The following ZBTB8A variants were observed in gnomAD, a reference collection of about 807,000 sequenced individuals.
The protein encoded by ZBTB8A is zinc finger and BTB domain containing 8A, also known as zinc finger and BTB domain-containing protein 8A.
In ZBTB8A, 19 loss-of-function variants were observed where a neutral mutation model predicts 37.8. The ratio of observed to expected loss-of-function variants is 0.50; its 90% CI spans 0.35 to 0.74. ZBTB8A has a LOEUF of 0.74. ZBTB8A is among the 30% of genes least tolerant of loss of function. The probability of loss-of-function intolerance (pLI) is 0.01; values close to 1 mark genes in which losing one functional copy is unlikely to be tolerated. For missense variants in ZBTB8A, 394 were observed against 537.8 expected (o/e 0.73, Z 2.65); for synonymous variants, 181 against 185.2 (o/e 0.98, Z 0.19).
chr1:32,568,031 A>G (rs947170682), intron 2 of ZBTB8A, among the ~76,000 whole-genome samples: 1 of 151,540 alleles, frequency 6.6e-6, no homozygotes, highest in Non-Finnish European at 1.5e-5. Flanking sequence ...AATCCCAGCT[A>G]TTAGGGAGGC....
Position 32,600,129 on chromosome 1 carries a change from C to T in ZBTB8A, c.1036C>T (p.His346Tyr). 1 of 1,614,120 alleles carries T rather than the reference C, an allele frequency of 6.2e-7. No homozygotes were observed. The highest frequency in any genetic ancestry group is 8.5e-7 in the Non-Finnish European group (1 of 1,179,958). The part of the protein sequence containing the change: ...CKLICRKCKR[H>Y]VTDLTGQVVQ... Reference sequence around the variant, plus strand: ...ACTCATCTGCAGAAAATGTAAACGTCATGTGACAGATCTAACAGGGCAAGT... The same window carrying T: ...ACTCATCTGCAGAAAATGTAAACGTTATGTGACAGATCTAACAGGGCAAGT... Residue 346 changes from histidine to tyrosine, a missense_variant, in exon 5 of 5, where the codon CAT (histidine) becomes TAT (tyrosine). Coordinates refer to ENST00000373510, the MANE Select transcript of ZBTB8A (RefSeq NM_001040441.3).
intron 2 of ZBTB8A, among the ~76,000 whole-genome samples, chr1:32,561,275 T>C (rs1011761499): frequency 6.6e-6 from 1 of 152,032 alleles, no homozygotes; most frequent in Non-Finnish European, 1.5e-5. Flanking sequence ...CTTCTTTTTT[T>C]CTGAGTGAAA....
chr1:32,546,071 T>C (rs1280815803), intron 1 of ZBTB8A, among the ~76,000 whole-genome samples: 1 of 152,218 alleles, frequency 6.6e-6, no homozygotes, highest in African/African-American at 2.4e-5. Context: ...TAGTCTGGTA[T>C]AGAGTAGTTG....
chr1:32,559,069 C>T (rs1037237839), intron 2 of ZBTB8A, among the ~76,000 whole-genome samples: 1 of 152,124 alleles, frequency 6.6e-6, no homozygotes, highest in African/African-American at 2.4e-5. Context: ...GTTATTTATG[C>T]TGCTTCCAAG....
intron 1 of ZBTB8A, among the ~76,000 whole-genome samples, chr1:32,547,188 G>A (rs538250636): frequency 6.9e-4 from 104 of 151,518 alleles, no homozygotes; most frequent in African/African-American, 2.4e-3. Context: ...ATAGATATGA[G>A]CTACCATGCC....
intron 1 of ZBTB8A, among the ~76,000 whole-genome samples, chr1:32,552,042 C>T (rs764154677): frequency 6.6e-6 from 1 of 152,100 alleles, no homozygotes; most frequent in Non-Finnish European, 1.5e-5. Flanking sequence ...ATAGTGTTGT[C>T]TTAAGTTTAT....
chr1:32,596,562 C>T (rs1644533369), intron 4 of ZBTB8A, among the ~76,000 whole-genome samples: 1 of 151,886 alleles, frequency 6.6e-6, no homozygotes, highest in Admixed American at 6.6e-5. Flanking sequence ...GCCTGAATGA[C>T]AGAGTGAGAC....
chr1:32,588,032 C>T (rs572260815), intron 2 of ZBTB8A, among the ~76,000 whole-genome samples: 10 of 152,226 alleles, frequency 6.6e-5, no homozygotes, highest in Admixed American at 2.0e-4. Context: ...TTGGGGAGGG[C>T]GTGGAAGCTC....
chr1:32,586,021 A>C (rs1387910745), intron 2 of ZBTB8A, among the ~76,000 whole-genome samples: 2 of 149,404 alleles, frequency 1.3e-5, no homozygotes, highest in African/African-American at 5.0e-5. Flanking sequence ...AAAACAAAAA[A>C]AAAGAACGAT....
At chr1:32,561,118 T>A (rs1310769060) in intron 2 of ZBTB8A, among the ~76,000 whole-genome samples, 1 of 139,748 alleles carries the variant, frequency 7.2e-6, no homozygotes, top group Non-Finnish European at 1.5e-5. Flanking sequence ...AACTCTTTAA[T>A]GAAGCAAATA....
At chr1:32,596,493 A>T (rs1355261840) in intron 4 of ZBTB8A, among the ~76,000 whole-genome samples, 2 of 152,142 alleles carry the variant, frequency 1.3e-5, no homozygotes, top group Non-Finnish European at 2.9e-5. Flanking sequence ...AGGCACGAGA[A>T]TTGCCCAAAC....
At chr1:32,599,039 C>T (rs1452093062) in intron 4 of ZBTB8A, among the ~76,000 whole-genome samples, 1 of 152,090 alleles carries the variant, frequency 6.6e-6, no homozygotes, top group Non-Finnish European at 1.5e-5. Flanking sequence ...CCAACCCTTC[C>T]AATCCCTGTG....
chr1:32,548,136 T>C (rs1297143881), intron 1 of ZBTB8A, among the ~76,000 whole-genome samples: 3 of 75,774 alleles, frequency 4.0e-5, no homozygotes, highest in Non-Finnish European at 7.9e-5. Context: ...CCGTCTCAAA[T>C]TAAAAAAAAA....
At chr1:32,592,345 G>A (rs886635990) in intron 2 of ZBTB8A, among the ~76,000 whole-genome samples, 3 of 151,964 alleles carry the variant, frequency 2.0e-5, no homozygotes, top group South Asian at 2.1e-4. Flanking sequence ...AGACCAGCTC[G>A]GGTACGTGGT....
chr1:32,589,060 A>T (rs899955370), intron 2 of ZBTB8A, among the ~76,000 whole-genome samples: 1 of 152,162 alleles, frequency 6.6e-6, no homozygotes. Context: ...AGGAGGAGAC[A>T]TGGAGACAGC....
intron 2 of ZBTB8A, among the ~76,000 whole-genome samples, chr1:32,580,416 G>A (rs1644394623): frequency 6.6e-6 from 1 of 151,936 alleles, no homozygotes; most frequent in Admixed American, 6.6e-5. Flanking sequence ...CAGGCATGGT[G>A]GCACATGCCT....
At position 32,601,722 on chromosome 1, in the gene ZBTB8A, AAAG is replaced by A; in HGVS notation, c.*1306_*1308del. 2.5e-6 allele frequency: 1 copy of A among 398,540 alleles called. No individual in the cohort carries two copies. The highest frequency in any genetic ancestry group is 3.6e-5 in the East Asian group (1 of 28,050). The allele number at this position is 398,540 out of a possible 1,614,324, so 24.7% of individuals were successfully genotyped here. A position where few individuals can be genotyped will look rare whatever the true frequency, so the allele number is the denominator to read the frequency against. The stretch of plus-strand genomic sequence containing the variant: ...CTCCCTGTATGTCTCCTGAAATGGC[AAAG>A]AATAGAAGTCAAACCTCACCAGTTG... On this transcript the variant is annotated 3_prime_UTR_variant, in exon 5 of 5. Transcript: ENST00000373510.
Position 32,593,625 on chromosome 1 carries a change from C to G in ZBTB8A, c.694C>G (p.Arg232Gly). The change falls in exon 3 of 5, where the codon CGA (arginine) becomes GGA (glycine). Residue 232 changes from arginine to glycine, a missense_variant. This residue lies in a region of ZBTB8A where 171 missense variants were observed against 186.8 expected (regional missense o/e 0.92). Coordinates refer to ENST00000373510, the MANE Select transcript of ZBTB8A (RefSeq NM_001040441.3). ...THYKSSKREV[R>G]TSDSSSHVSQ... ...TTATAAGTCAAGCAAACGAGAAGTACGAACATCTGATTCTTCCAGCCATGT... is the reference window on the plus strand; with the variant it reads ...TTATAAGTCAAGCAAACGAGAAGTAGGAACATCTGATTCTTCCAGCCATGT... The G allele has an allele frequency of 1.2e-6, 2 of 1,614,140 alleles. No homozygotes were observed. Among genetic ancestry groups the G allele is most frequent in the Non-Finnish European group, 1.7e-6 (2 of 1,180,028 alleles).
intron 2 of ZBTB8A, among the ~76,000 whole-genome samples, chr1:32,576,908 T>G (rs939016690): frequency 1.7e-4 from 26 of 150,226 alleles, no homozygotes; most frequent in Non-Finnish European, 2.8e-4. Context: ...AGTCTCACTC[T>G]GTTATCCAGG....
Sources: gnomAD v4.1 joint callset for allele counts (sites outside exome capture counted in the v4.1 genomes callset) on GRCh38, gnomAD v4.1.1 for gene constraint, gnomAD v4.1.1 regional missense constraint, MANE v1.5 for transcripts, NCBI Gene and HGNC (gene_info 2026-07-23, HGNC 2026-07-21) for gene names.